Variants in TMOD2 observed in about 807,000 individuals in gnomAD.
TMOD2 encodes tropomodulin 2.
Under a neutral mutation model 39.9 loss-of-function variants are expected in TMOD2, and 22 were observed. That is an observed-to-expected ratio of 0.55 (90% CI 0.39 to 0.79). The LOEUF (loss-of-function observed/expected upper bound fraction) is 0.79. Ranked by LOEUF, TMOD2 falls within the 30% of genes least tolerant of loss-of-function variation. TMOD2 has a pLI of 0.00. For synonymous variants in TMOD2, 123 were observed against 146.1 expected (o/e 0.84, Z 1.14); for missense variants, 386 against 413.3 (o/e 0.93, Z 0.57).
At chr15:51,765,012 AT>A (rs200465967) in intron 1 of TMOD2, among the ~76,000 whole-genome samples, 2,708 of 147,278 alleles carry the variant, frequency 0.018, 25 homozygotes, top group Non-Finnish European at 0.025. Context: ...GATAAATATA[AT>A]TTTTTTTTTG....
rs76930538 is a variant in TMOD2 at position 51,751,680 on chromosome 15, G to A, written c.-102G>A. Reference sequence around the variant, plus strand: ...ACCGGGGCTGACGGACTGACGGCCAGCACAGCCGGCTCCGGGATGAGCGCA... The same window carrying A: ...ACCGGGGCTGACGGACTGACGGCCAACACAGCCGGCTCCGGGATGAGCGCA... On this transcript the variant is annotated 5_prime_UTR_variant, in exon 1 of 10. Coordinates refer to ENST00000249700, the MANE Select transcript of TMOD2 (RefSeq NM_014548.4). 0.4 allele frequency: 63,196 copies of A among 159,356 alleles called. 12,686 individuals are homozygous for A. Among genetic ancestry groups the A allele is most frequent in the Middle Eastern group, 0.45 (153 of 342 alleles). The allele number at this position is 159,356 out of a possible 1,614,324, so 9.9% of individuals were successfully genotyped here. A position where few individuals can be genotyped will look rare whatever the true frequency, so the allele number is the denominator to read the frequency against.
At chr15:51,804,242 A>T (rs1407010310) in intron 8 of TMOD2, among the ~76,000 whole-genome samples, 1 of 152,256 alleles carries the variant, frequency 6.6e-6, no homozygotes, top group East Asian at 1.9e-4. Flanking sequence ...ATGATCCATC[A>T]CTGCAATGGG....
At chr15:51,771,106 G>T (rs971505832) in intron 3 of TMOD2, among the ~76,000 whole-genome samples, 1 of 152,178 alleles carries the variant, frequency 6.6e-6, no homozygotes, top group Non-Finnish European at 1.5e-5. Context: ...AGTTAGGAAC[G>T]TAGGAGCTGT....
intron 7 of TMOD2, among the ~76,000 whole-genome samples, chr15:51,793,182 GA>G (rs1396088847): frequency 6.6e-6 from 1 of 152,048 alleles, no homozygotes; most frequent in Non-Finnish European, 1.5e-5. Flanking sequence ...ACTGTAAATT[GA>G]AAATCTTTAT....
chr15:51,782,813 T>C lies in TMOD2; in HGVS notation c.717T>C (p.Asn239=), dbSNP rs776354289. 2 of 1,613,896 alleles carry C rather than the reference T, an allele frequency of 1.2e-6. No individual in the cohort carries two copies. The highest frequency in any genetic ancestry group is 2.2e-5 in the South Asian group (2 of 91,080). ...TCAGCCTGGCCGCAACTCGCAGCAA[T>C]GACCCTGTGGCCATTGTGAGTAAAA... ...KKFSLAATRS[N]DPVAIAFADM... is the part of the protein sequence containing the mutation. The change falls in exon 7 of 10, where the codon AAT becomes AAC. Residue 239 remains asparagine, a synonymous_variant. Coordinates refer to ENST00000249700, the MANE Select transcript of TMOD2 (RefSeq NM_014548.4).
chr15:51,782,679 C>T (rs542789348), intron 6 of TMOD2, 42 bp from the exon 7 acceptor site: 1 of 1,484,848 alleles, frequency 6.7e-7, no homozygotes, highest in South Asian at 1.1e-5. Flanking sequence ...AAGAGTGTGC[C>T]ATACAATGGT....
intron 1 of TMOD2, among the ~76,000 whole-genome samples, chr15:51,753,224 G>T (rs1303591112): frequency 1.3e-5 from 2 of 152,310 alleles, no homozygotes; most frequent in African/African-American, 4.8e-5. Flanking sequence ...TTACCAACTG[G>T]TCCAAAACCT....
chr15:51,806,006 G>A (rs574862968), intron 8 of TMOD2, among the ~76,000 whole-genome samples: 3 of 152,276 alleles, frequency 2.0e-5, no homozygotes, highest in African/African-American at 7.2e-5. Context: ...CTACAAAATA[G>A]TTTCATTATT....
At chr15:51,780,002 G>A (rs569154378) in intron 5 of TMOD2, among the ~76,000 whole-genome samples, 1 of 152,234 alleles carries the variant, frequency 6.6e-6, no homozygotes, top group East Asian at 1.9e-4. Flanking sequence ...TTCTTTTAAC[G>A]AATAGACAAT....
At chr15:51,766,020 G>C (rs1039380446) in intron 1 of TMOD2, among the ~76,000 whole-genome samples, 1 of 151,914 alleles carries the variant, frequency 6.6e-6, no homozygotes, top group African/African-American at 2.4e-5. Flanking sequence ...TAGTATAAGG[G>C]AAAAGCACCC....
chr15:51,777,916 G>A (rs1247206112), intron 5 of TMOD2, among the ~76,000 whole-genome samples: 1 of 152,004 alleles, frequency 6.6e-6, no homozygotes, highest in African/African-American at 2.4e-5. Flanking sequence ...AACCATTGTG[G>A]AAGTCAGTGT....
intron 7 of TMOD2, among the ~76,000 whole-genome samples, chr15:51,796,156 GT>G (rs2056050211): frequency 6.6e-6 from 1 of 151,848 alleles, no homozygotes; most frequent in Admixed American, 6.6e-5. Flanking sequence ...GTATCTATCT[GT>G]TTTACCAACA....
At chr15:51,786,399 A>C (rs1175868951) in intron 7 of TMOD2, among the ~76,000 whole-genome samples, 1 of 152,032 alleles carries the variant, frequency 6.6e-6, no homozygotes. Context: ...TGGACCTCAA[A>C]CCTTATTCTG....
intron 1 of TMOD2, among the ~76,000 whole-genome samples, chr15:51,754,751 A>C (rs369042974): frequency 6.6e-6 from 1 of 152,194 alleles, no homozygotes; most frequent in East Asian, 1.9e-4. Context: ...TTTATTCTTG[A>C]CTTTTCAGAG....
At chr15:51,800,932 T>G (rs1224707139) in intron 8 of TMOD2, among the ~76,000 whole-genome samples, 1 of 152,202 alleles carries the variant, frequency 6.6e-6, no homozygotes, top group Non-Finnish European at 1.5e-5. Flanking sequence ...CTCAAACTCC[T>G]GGGTTCAAGC....
At chr15:51,767,818 A>G (rs754137017) in intron 2 of TMOD2, among the ~76,000 whole-genome samples, 19 of 152,246 alleles carry the variant, frequency 1.2e-4, no homozygotes, top group Non-Finnish European at 1.9e-4. Flanking sequence ...AAGCTTTATC[A>G]AGCAGGCATT....
At chr15:51,754,861 A>T (rs1004095907) in intron 1 of TMOD2, among the ~76,000 whole-genome samples, 2 of 152,252 alleles carry the variant, frequency 1.3e-5, no homozygotes, top group Non-Finnish European at 2.9e-5. Context: ...GTGCAAAAAT[A>T]AAAAATGAAA....
At chr15:51,773,196 G>A (rs2055864649) in intron 3 of TMOD2, among the ~76,000 whole-genome samples, 1 of 152,170 alleles carries the variant, frequency 6.6e-6, no homozygotes, top group African/African-American at 2.4e-5. Context: ...CATGGGAAGG[G>A]GCTTGTGGAG....
At chr15:51,772,271 A>G (rs977286280) in intron 3 of TMOD2, among the ~76,000 whole-genome samples, 7 of 152,214 alleles carry the variant, frequency 4.6e-5, no homozygotes, top group Non-Finnish European at 8.8e-5. Flanking sequence ...ATGGAAGAGA[A>G]CAATTTCAAA....
Sources: gnomAD v4.1 joint callset for allele counts (sites outside exome capture counted in the v4.1 genomes callset) on GRCh38, gnomAD v4.1.1 for gene constraint, MANE v1.5 for transcripts, NCBI Gene and HGNC (gene_info 2026-07-23, HGNC 2026-07-21) for gene names.